The following ADAMTS12 variants were observed in gnomAD, a reference collection of about 807,000 sequenced individuals.
The protein encoded by ADAMTS12 is A disintegrin and metalloproteinase with thrombospondin motifs 12.
Under a neutral mutation model 167.8 loss-of-function variants are expected in ADAMTS12, and 118 were observed. The ratio of observed to expected loss-of-function variants is 0.70; its 90% CI spans 0.61 to 0.82. The LOEUF is 0.82. Ranked by LOEUF, ADAMTS12 falls within the 40% of genes least tolerant of loss-of-function variation. The pLI, the probability that ADAMTS12 is intolerant of heterozygous loss-of-function variation, is 0.00. For synonymous variants in ADAMTS12, 704 were observed against 716.9 expected (o/e 0.98, Z 0.29); for missense variants, 1,916 against 1,998.8 (o/e 0.96, Z 0.79).
chr5:33,614,311 G>T lies in ADAMTS12; in HGVS notation c.2454C>A (p.Asp818Glu), dbSNP rs768591693. ...YEYTIQKDGL[D>E]NDVEQQMYFW... ...AGTACATCTGCTGCTCAACATCATT[G>T]TCAAGGCCATCTTTCTGGATTGTGT... is the stretch of plus-strand genomic sequence containing the variant. The change falls in exon 16 of 24, where the codon GAC becomes GAA. Residue 818 changes from aspartate to glutamate, a missense_variant. Coordinates refer to ENST00000504830, the MANE Select transcript of ADAMTS12 (RefSeq NM_030955.4). 1.9e-6 allele frequency: 3 copies of T among 1,614,120 alleles called. No homozygotes were observed. Among genetic ancestry groups the T allele is most frequent in the Non-Finnish European group, 2.5e-6 (3 of 1,179,984 alleles).
rs375328270 is a variant in ADAMTS12 at position 33,664,107 on chromosome 5, G to A, written c.916-2067C>T. On this transcript the variant is annotated intron_variant, in intron 5 of 23. Coordinates refer to ENST00000504830, the MANE Select transcript of ADAMTS12 (RefSeq NM_030955.4). ...AAGCTATGAATGCATAGCTTTACCC[G>A]CAATTCCTATCAAAATCTCAGCAAC... Among the ~76,000 whole-genome samples the A allele has an allele frequency of 1.4e-4, 21 of 152,130 alleles. No homozygotes were observed. The South Asian group carries it at 3.5e-3, about 26-fold the overall frequency.
intron 18 of ADAMTS12, among the ~76,000 whole-genome samples, chr5:33,585,397 A>T (rs1267538914): frequency 6.6e-6 from 1 of 152,184 alleles, no homozygotes. Flanking sequence ...CTAGTTCACC[A>T]CTTCAATGTC....
intron 5 of ADAMTS12, among the ~76,000 whole-genome samples, chr5:33,667,773 C>A (rs571602833): frequency 3.3e-5 from 5 of 152,300 alleles, no homozygotes; most frequent in Admixed American, 1.3e-4. Context: ...ATTCTCCTGA[C>A]AGCTGTCATT....
chr5:33,648,802 C>T lies in ADAMTS12; in HGVS notation c.1479+20G>A. 6 of 1,613,738 alleles carry T rather than the reference C, an allele frequency of 3.7e-6. No homozygotes were observed. Among genetic ancestry groups the T allele is most frequent in the South Asian group, 3.3e-5 (3 of 91,032 alleles). On this transcript the variant is annotated intron_variant, in intron 9 of 23. Coordinates refer to ENST00000504830, the MANE Select transcript of ADAMTS12 (RefSeq NM_030955.4). The stretch of plus-strand genomic sequence containing the variant: ...TGGAGATCTGAAGCCCTGCATATAG[C>T]CACCAAGAGGTACACTTACTTCTAC...
intron 19 of ADAMTS12, among the ~76,000 whole-genome samples, chr5:33,575,126 C>T (rs1363198632): frequency 1.3e-5 from 2 of 152,036 alleles, no homozygotes; most frequent in Admixed American, 6.6e-5. Context: ...TTTCTTCTTC[C>T]TCTATATTCT....
chr5:33,569,676 A>G (rs1579679765), intron 19 of ADAMTS12, among the ~76,000 whole-genome samples: 1 of 152,246 alleles, frequency 6.6e-6, no homozygotes, highest in East Asian at 1.9e-4. Flanking sequence ...GGAAACTCTA[A>G]AAAGCACAGT....
At chr5:33,657,133 A>G (rs1383286690) in intron 7 of ADAMTS12, among the ~76,000 whole-genome samples, 3 of 152,210 alleles carry the variant, frequency 2.0e-5, no homozygotes, top group Admixed American at 2.0e-4. Flanking sequence ...CTGTTTCTCC[A>G]ATTCTCAAAG....
intron 16 of ADAMTS12, among the ~76,000 whole-genome samples, chr5:33,598,210 T>G (rs1333870674): frequency 3.3e-5 from 5 of 152,146 alleles, no homozygotes. Context: ...AACTGCATTC[T>G]TATATGCTAC....
At chr5:33,800,066 G>T (rs1171652694) in intron 2 of ADAMTS12, among the ~76,000 whole-genome samples, 1 of 152,162 alleles carries the variant, frequency 6.6e-6, no homozygotes, top group Non-Finnish European at 1.5e-5. Flanking sequence ...TTAAGCCAAA[G>T]GGGATACCAA....
intron 6 of ADAMTS12, among the ~76,000 whole-genome samples, chr5:33,661,696 T>C (rs1203965782): frequency 1.3e-5 from 2 of 152,234 alleles, no homozygotes; most frequent in African/African-American, 2.4e-5. Context: ...TGCCAGCAGA[T>C]GCAGTTTATT....
At chr5:33,780,311 T>C (rs74518462) in intron 2 of ADAMTS12, among the ~76,000 whole-genome samples, 1,774 of 152,302 alleles carry the variant, frequency 0.012, 17 homozygotes, top group Non-Finnish European at 0.019. Context: ...TCTTATTCTC[T>C]GAAAAGAAGA....
At chr5:33,680,992 T>C (rs879885882) in intron 5 of ADAMTS12, among the ~76,000 whole-genome samples, 9 of 152,210 alleles carry the variant, frequency 5.9e-5, no homozygotes, top group Admixed American at 3.3e-4. Context: ...AACATCTAAC[T>C]TTACCACATC....
chr5:33,609,795 C>T (rs62351143), intron 16 of ADAMTS12, among the ~76,000 whole-genome samples: 43,204 of 152,032 alleles, frequency 0.28, 6,709 homozygotes, highest in Non-Finnish European at 0.35. Flanking sequence ...CAAAATAAAA[C>T]ATTTAACAGT....
intron 6 of ADAMTS12, among the ~76,000 whole-genome samples, chr5:33,660,427 G>T (rs561168254): frequency 6.6e-6 from 1 of 152,266 alleles, no homozygotes; most frequent in Admixed American, 6.5e-5. Flanking sequence ...GGAAGTAAAT[G>T]GAACAATGGC....
intron 2 of ADAMTS12, among the ~76,000 whole-genome samples, chr5:33,784,179 A>C (rs1203290410): frequency 6.6e-6 from 1 of 151,942 alleles, no homozygotes; most frequent in African/African-American, 2.4e-5. Flanking sequence ...AAACTTCAGG[A>C]AACTAGAAAT....
chr5:33,721,375 C>T (rs79618110), intron 3 of ADAMTS12, among the ~76,000 whole-genome samples: 172 of 152,258 alleles, frequency 1.1e-3, no homozygotes, highest in African/African-American at 4.0e-3. Flanking sequence ...GAGAAGTACA[C>T]ATGAGAAAAC....
intron 19 of ADAMTS12, among the ~76,000 whole-genome samples, chr5:33,565,231 C>T (rs1460389437): frequency 2.0e-5 from 3 of 152,230 alleles, no homozygotes; most frequent in South Asian, 2.1e-4. Context: ...ATTTGGCTCA[C>T]TGCAACCTCT....
rs571120291 is a variant in ADAMTS12 at position 33,692,056 on chromosome 5, T to C, written c.635-8001A>G. On this transcript the variant is annotated intron_variant, in intron 3 of 23. Coordinates refer to ENST00000504830, the MANE Select transcript of ADAMTS12 (RefSeq NM_030955.4). ...AACATGCCTGAGGCAATTTGTGCCT[T>C]CCTTTATGATGACTGTGTTAGACTG... 5.9e-4 allele frequency among the ~76,000 whole-genome samples: 90 copies of C among 152,342 alleles called. 3 individuals carry two copies. The South Asian group carries it at 0.018, about 31-fold the overall frequency.
intron 2 of ADAMTS12, among the ~76,000 whole-genome samples, chr5:33,792,294 C>T (rs1392850744): frequency 6.6e-6 from 1 of 152,178 alleles, no homozygotes. Context: ...CCATGCCCAG[C>T]CTGCTTTCAC....
Sources: allele counts gnomAD v4.1 joint callset (sites outside exome capture counted in the v4.1 genomes callset), GRCh38; gene constraint gnomAD v4.1.1; transcripts MANE v1.5; gene names NCBI Gene and HGNC (gene_info 2026-07-23, HGNC 2026-07-21).